OLA1: variants seen among roughly 807,000 people sequenced by gnomAD.
OLA1 encodes the protein Obg like ATPase 1.
In OLA1, 14 loss-of-function variants were observed where a neutral mutation model predicts 48.4. That is an observed-to-expected ratio of 0.29 (90% confidence interval 0.19 to 0.45). The LOEUF (loss-of-function observed/expected upper bound fraction) is 0.45, where lower values mean the gene tolerates loss of function less well. Ranked by LOEUF, OLA1 falls within the 20% of genes least tolerant of loss-of-function variation. OLA1 has a pLI of 1.00. For synonymous variants in OLA1, 127 were observed against 150.4 expected (o/e 0.84, Z 1.14); for missense variants, 325 against 467.1 (o/e 0.70, Z 2.80).
chr2:174,156,202 T>G (rs1686873085), intron 4 of OLA1, among the ~76,000 whole-genome samples: 2 of 152,136 alleles, frequency 1.3e-5, no homozygotes, highest in South Asian at 4.2e-4. Flanking sequence ...TACAAACATT[T>G]TGGGACAGAT....
chr2:174,198,811 T>A (rs748146854), intron 4 of OLA1, among the ~76,000 whole-genome samples: 17 of 152,182 alleles, frequency 1.1e-4, no homozygotes, highest in Non-Finnish European at 1.6e-4. Flanking sequence ...TATATATAGT[T>A]TTACATATAT....
At chr2:174,188,902 C>A (rs1396810593) in intron 4 of OLA1, among the ~76,000 whole-genome samples, 33 of 152,050 alleles carry the variant, frequency 2.2e-4, no homozygotes, top group Non-Finnish European at 8.8e-5. Context: ...TGAGAAAATC[C>A]AAAATCCAAA....
At chr2:174,218,589 A>G (rs1193524185) in intron 4 of OLA1, among the ~76,000 whole-genome samples, 1 of 152,246 alleles carries the variant, frequency 6.6e-6, no homozygotes. Context: ...CAGTAACTCC[A>G]GATCTGCACA....
chr2:174,173,551 A>G (rs1687354302), intron 4 of OLA1, among the ~76,000 whole-genome samples: 1 of 152,192 alleles, frequency 6.6e-6, no homozygotes, highest in African/African-American at 2.4e-5. Flanking sequence ...AAAAGTTTAC[A>G]ACTTGATTTT....
intron 4 of OLA1, among the ~76,000 whole-genome samples, chr2:174,144,942 AAAAAAAAAAAT>A (rs1686547983): frequency 5.3e-5 from 4 of 75,816 alleles, no homozygotes; most frequent in South Asian, 5.9e-4. Flanking sequence ...AAAAAAAAAA[AAAAAAAAAAAT>A]ATATATATAT....
chr2:174,085,466 G>A (rs1016074335), intron 7 of OLA1, among the ~76,000 whole-genome samples: 1 of 152,202 alleles, frequency 6.6e-6, no homozygotes, highest in African/African-American at 2.4e-5. Context: ...ATGATCTGAG[G>A]TGGAACAGTT....
At chr2:174,085,524 T>C (rs1213374237) in intron 7 of OLA1, among the ~76,000 whole-genome samples, 4 of 152,164 alleles carry the variant, frequency 2.6e-5, no homozygotes, top group African/African-American at 7.2e-5. Context: ...AAAATTGTCT[T>C]CCATGAAACC....
chr2:174,088,217 T>C (rs1479968896), intron 7 of OLA1, among the ~76,000 whole-genome samples: 1 of 152,236 alleles, frequency 6.6e-6, no homozygotes, highest in East Asian at 1.9e-4. Flanking sequence ...ATGTTGTCCA[T>C]GGTATGGATG....
At chr2:174,136,955 G>A (rs917347896) in intron 5 of OLA1, among the ~76,000 whole-genome samples, 3 of 152,026 alleles carry the variant, frequency 2.0e-5, no homozygotes, top group East Asian at 1.9e-4. Context: ...GATTATAGGC[G>A]TGAGCCACCA....
chr2:174,082,131 T>C (rs1486609316), intron 7 of OLA1, 67 bp from the exon 8 acceptor site: 5 of 1,522,582 alleles, frequency 3.3e-6, no homozygotes, highest in Non-Finnish European at 3.6e-6. Context: ...TTCATTATTA[T>C]CAAGTAGCAC....
chr2:174,150,177 C>T (rs745569343), intron 4 of OLA1, among the ~76,000 whole-genome samples: 1 of 152,162 alleles, frequency 6.6e-6, no homozygotes, highest in Non-Finnish European at 1.5e-5. Flanking sequence ...AGGGCTCTGC[C>T]CCCACAATGG....
chr2:174,224,093 A>G (rs1688564127), intron 3 of OLA1, among the ~76,000 whole-genome samples: 1 of 152,250 alleles, frequency 6.6e-6, no homozygotes, highest in African/African-American at 2.4e-5. Flanking sequence ...ATAAAATACA[A>G]CATAAAAGTT....
chr2:174,129,903 C>T (rs1453044822), intron 5 of OLA1, among the ~76,000 whole-genome samples: 1 of 152,148 alleles, frequency 6.6e-6, no homozygotes, highest in Non-Finnish European at 1.5e-5. Flanking sequence ...TACTTACCTT[C>T]AGGAAAACCT....
intron 4 of OLA1, among the ~76,000 whole-genome samples, chr2:174,188,395 T>TAATAAA (rs1553487172): frequency 6.3e-4 from 95 of 151,648 alleles, no homozygotes; most frequent in African/African-American, 2.2e-3. Flanking sequence ...ATAATAATAA[T>TAATAAA]AAATACCGTA....
intron 3 of OLA1, among the ~76,000 whole-genome samples, chr2:174,223,481 G>A (rs1310691328): frequency 6.6e-6 from 1 of 152,158 alleles, no homozygotes; most frequent in Non-Finnish European, 1.5e-5. Flanking sequence ...CAAAAGCGGT[G>A]AAGAATGTTT....
At chr2:174,215,693 A>C (rs965300881) in intron 4 of OLA1, among the ~76,000 whole-genome samples, 6 of 152,228 alleles carry the variant, frequency 3.9e-5, no homozygotes, top group Non-Finnish European at 7.3e-5. Context: ...AGACACACTT[A>C]CAGACCATAC....
At position 174,145,626 on chromosome 2, in the gene OLA1, TA is replaced by T. The variant is rs888867222; in HGVS notation, c.374-3627del. Among the ~76,000 whole-genome samples, 94 of 152,110 alleles carry T rather than the reference TA, an allele frequency of 6.2e-4. 1 individual carries two copies. Among genetic ancestry groups the T allele is most frequent in the Middle Eastern group, 6.8e-3 (2 of 294 alleles). ...CCTTAGTCTCAGAGCTTCTAAAGAGTAAAAAAAATTAAAAACTGCAATTTTC... is the reference window on the plus strand; with the variant it reads ...CCTTAGTCTCAGAGCTTCTAAAGAGTAAAAAAATTAAAAACTGCAATTTTC... On this transcript the variant is annotated intron_variant, in intron 4 of 10. Transcript: ENST00000284719.
At chr2:174,075,612 A>G (rs543786106) in intron 10 of OLA1, 85 bp from the exon 11 acceptor site, 6 of 796,366 alleles carry the variant, frequency 7.5e-6, no homozygotes, top group Admixed American at 2.4e-5. Flanking sequence ...TATAAAAAGT[A>G]TTATACTACT....
intron 5 of OLA1, among the ~76,000 whole-genome samples, chr2:174,136,041 A>G (rs1013232500): frequency 6.6e-6 from 1 of 152,236 alleles, no homozygotes; most frequent in East Asian, 1.9e-4. Context: ...TTTTTACTAA[A>G]AAATGCTAAT....
Sources: allele counts gnomAD v4.1 joint callset (sites outside exome capture counted in the v4.1 genomes callset), GRCh38; gene constraint gnomAD v4.1.1; transcripts MANE v1.5; gene names NCBI Gene and HGNC (gene_info 2026-07-23, HGNC 2026-07-21).